Variants in SPOCK1 observed in about 807,000 individuals in gnomAD.
The protein encoded by SPOCK1 is testican-1.
SPOCK1 carries 23 observed loss-of-function variants against 55.3 expected under a neutral mutation model. That is an observed-to-expected ratio of 0.42 (90% CI 0.30 to 0.59). The LOEUF (loss-of-function observed/expected upper bound fraction) is 0.59. Among genes scored for constraint, SPOCK1 ranks in the 20% least tolerant of loss-of-function variants. The pLI is 0.22. For missense variants in SPOCK1, 499 were observed against 552.5 expected, an observed-to-expected ratio of 0.90 and a Z score of 0.97; for synonymous variants, 226 against 221.0, an observed-to-expected ratio of 1.02 and a Z score of -0.20.
intron 2 of SPOCK1, among the ~76,000 whole-genome samples, chr5:137,420,968 A>T (rs1389086701): frequency 6.6e-6 from 1 of 152,094 alleles, no homozygotes; most frequent in East Asian, 1.9e-4. Context: ...ACTGCTTTGA[A>T]TGTGTCCCAG....
At chr5:137,054,518 T>A (rs114373167) in intron 6 of SPOCK1, among the ~76,000 whole-genome samples, 1,616 of 152,310 alleles carry the variant, frequency 0.011, 26 homozygotes, top group African/African-American at 0.037. Context: ...CACACTGTGA[T>A]GTCCCTTAGC....
intron 4 of SPOCK1, among the ~76,000 whole-genome samples, chr5:137,128,641 C>G (rs1261351113): frequency 6.6e-6 from 1 of 152,242 alleles, no homozygotes; most frequent in Non-Finnish European, 1.5e-5. Context: ...TGGGGCAGCA[C>G]TGCCCTGGTC....
chr5:137,402,439 T>C (rs1206302064), intron 2 of SPOCK1, among the ~76,000 whole-genome samples: 1 of 152,246 alleles, frequency 6.6e-6, no homozygotes, highest in Non-Finnish European at 1.5e-5. Flanking sequence ...TGACAACCAT[T>C]TGGAGTGGGA....
intron 2 of SPOCK1, among the ~76,000 whole-genome samples, chr5:137,409,994 T>G (rs1752176951): frequency 6.6e-6 from 1 of 152,230 alleles, no homozygotes; most frequent in Admixed American, 6.5e-5. Context: ...ACATCAGATA[T>G]GGTCTAGCAA....
At chr5:137,491,747 C>G (rs1018350086) in intron 2 of SPOCK1, among the ~76,000 whole-genome samples, 1 of 152,202 alleles carries the variant, frequency 6.6e-6, no homozygotes, top group Non-Finnish European at 1.5e-5. Flanking sequence ...TCCTCAGATT[C>G]ATCCAAGAGG....
chr5:137,253,772 G>T (rs957451167), intron 3 of SPOCK1, among the ~76,000 whole-genome samples: 1 of 152,146 alleles, frequency 6.6e-6, no homozygotes, highest in African/African-American at 2.4e-5. Flanking sequence ...TAATTCTAGG[G>T]CTACCCTATG....
At chr5:137,302,459 C>A (rs1350600881) in intron 2 of SPOCK1, among the ~76,000 whole-genome samples, 1 of 151,124 alleles carries the variant, frequency 6.6e-6, no homozygotes, top group Non-Finnish European at 1.5e-5. Flanking sequence ...CACCTGTAGT[C>A]CCAGCTACTC....
intron 3 of SPOCK1, among the ~76,000 whole-genome samples, chr5:137,179,915 G>A (rs1442598610): frequency 6.6e-6 from 1 of 152,120 alleles, no homozygotes; most frequent in Non-Finnish European, 1.5e-5. Flanking sequence ...CTCCTACCTT[G>A]CCACTGCACA....
intron 5 of SPOCK1, among the ~76,000 whole-genome samples, chr5:137,104,736 T>C (rs1408470274): frequency 1.3e-5 from 2 of 152,208 alleles, no homozygotes; most frequent in Non-Finnish European, 2.9e-5. Flanking sequence ...GATCTGTCAC[T>C]ATCTCCCATC....
chr5:137,436,855 T>C (rs1371063475), intron 2 of SPOCK1, among the ~76,000 whole-genome samples: 2 of 152,190 alleles, frequency 1.3e-5, no homozygotes, highest in African/African-American at 4.8e-5. Context: ...TTATACATTT[T>C]TACTCCTAAG....
chr5:137,301,319 T>C (rs1178728981), intron 2 of SPOCK1, among the ~76,000 whole-genome samples: 1 of 152,196 alleles, frequency 6.6e-6, no homozygotes, highest in Non-Finnish European at 1.5e-5. Flanking sequence ...GTCACTGATA[T>C]TACTCAAAGC....
In SPOCK1 at chr5:137,459,131, T is replaced by A. The variant is rs115171957; in HGVS notation, c.186+39242A>T. Reference sequence around the variant, plus strand: ...ACTACATGTTGAACCAGACAGGGCCTGCTCTTGCTCAAACTGAGTGGGTGA... The same window carrying A: ...ACTACATGTTGAACCAGACAGGGCCAGCTCTTGCTCAAACTGAGTGGGTGA... On this transcript the variant is annotated intron_variant, in intron 2 of 10. Transcript: ENST00000394945. 3.7e-3 allele frequency among the ~76,000 whole-genome samples: 562 copies of A among 152,358 alleles called. 6 individuals carry two copies. The highest frequency in any genetic ancestry group is 0.02 in the Middle Eastern group (6 of 294).
intron 2 of SPOCK1, among the ~76,000 whole-genome samples, chr5:137,467,525 CAG>C (rs1385175799): frequency 6.6e-6 from 1 of 152,066 alleles, no homozygotes; most frequent in Non-Finnish European, 1.5e-5. Flanking sequence ...GAAGAGGAAA[CAG>C]ATATTAAAGA....
chr5:137,346,365 A>G (rs906722049), intron 2 of SPOCK1, among the ~76,000 whole-genome samples: 3 of 152,132 alleles, frequency 2.0e-5, no homozygotes, highest in Non-Finnish European at 2.9e-5. Context: ...TGAATGGCTA[A>G]TTTAAATGGA....
intron 2 of SPOCK1, among the ~76,000 whole-genome samples, chr5:137,482,403 G>A (rs957587287): frequency 1.3e-5 from 2 of 152,156 alleles, no homozygotes; most frequent in Non-Finnish European, 2.9e-5. Context: ...TATGGACCAT[G>A]TCCCCTTTCC....
chr5:137,058,201 T>C (rs941696642), intron 6 of SPOCK1, among the ~76,000 whole-genome samples: 1 of 152,164 alleles, frequency 6.6e-6, no homozygotes, highest in Non-Finnish European at 1.5e-5. Flanking sequence ...TCAGTGGACA[T>C]TGAATTTAGG....
At chr5:137,075,658 G>A (rs957915122) in intron 5 of SPOCK1, among the ~76,000 whole-genome samples, 3 of 152,208 alleles carry the variant, frequency 2.0e-5, no homozygotes, top group South Asian at 2.1e-4. Context: ...TAGAGGCAAG[G>A]CTGAATAGTT....
intron 3 of SPOCK1, among the ~76,000 whole-genome samples, chr5:137,188,227 C>T (rs1406441474): frequency 5.3e-5 from 8 of 152,208 alleles, no homozygotes. Flanking sequence ...GCCGCTTGCT[C>T]CAGCCACACG....
chr5:137,128,646 C>T (rs1304459515), intron 4 of SPOCK1, among the ~76,000 whole-genome samples: 3 of 152,342 alleles, frequency 2.0e-5, no homozygotes, highest in African/African-American at 7.2e-5. Flanking sequence ...CAGCACTGCC[C>T]TGGTCCCCCA....
Sources: allele counts gnomAD v4.1 joint callset (sites outside exome capture counted in the v4.1 genomes callset), GRCh38; gene constraint gnomAD v4.1.1; transcripts MANE v1.5; gene names NCBI Gene and HGNC (gene_info 2026-07-23, HGNC 2026-07-21).